The following FLNA variants were observed in gnomAD, a reference collection of about 807,000 sequenced individuals.
FLNA encodes filamin-A.
A neutral mutation model predicts 157.6 loss-of-function variants in FLNA; 7 were observed. The ratio of observed to expected loss-of-function variants is 0.04; its 90% CI spans 0.03 to 0.08. The LOEUF (loss-of-function observed/expected upper bound fraction) is 0.08, where lower values mean the gene tolerates loss of function less well. Among genes scored for constraint, FLNA ranks in the 10% least tolerant of loss-of-function variants. The probability of loss-of-function intolerance (pLI) is 1.00; values close to 1 mark genes in which losing one functional copy is unlikely to be tolerated. For synonymous variants in FLNA, 1,103 were observed against 1,060.8 expected, an observed-to-expected ratio of 1.04 and a Z score of -0.77; for missense variants, 1,750 against 2,398.4, an observed-to-expected ratio of 0.73 and a Z score of 5.65.
Position 154,350,200 on chromosome X carries a change from A to G in FLNA, c.7164T>C (p.Tyr2388=), listed in dbSNP as rs1557175472. The change falls in exon 45 of 48, where the codon TAT becomes TAC. Residue 2388 remains tyrosine, a synonymous_variant. Coordinates refer to ENST00000369850, the MANE Select transcript of FLNA (RefSeq NM_001110556.2). ...TCTCCCGAGGGATGAAGCGCACAGC[A>G]TACTTATCTGAGGAGCAGGGAGTCA... ...CYVTEIDQDK[Y]AVRFIPRENG... The G allele has an allele frequency of 8.3e-6, 10 of 1,211,536 alleles. No homozygotes were observed. Among genetic ancestry groups the G allele is most frequent in the Admixed American group, 2.2e-5 (1 of 46,118 alleles).
Position 154,362,756 on chromosome X carries a change from T to C in FLNA, c.2309A>G (p.Asn770Ser), listed in dbSNP as rs1557178374. 3.3e-6 allele frequency: 4 copies of C among 1,202,600 alleles called. No individual in the cohort carries two copies. Among genetic ancestry groups the C allele is most frequent in the Non-Finnish European group, 4.5e-6 (4 of 891,147 alleles). ...TCCGGGGCCGTATACTTTGACCTTG[T>C]TGGGGTGGCTGCCAGCTCCCACATT... is the stretch of plus-strand genomic sequence containing the variant. Reference protein sequence around the residue: ...RVNVGAGSHPNKVKVYGPGVA... With the variant: ...RVNVGAGSHPSKVKVYGPGVA... Residue 770 changes from asparagine (N) to serine (S), a missense_variant, in exon 16 of 48, where the codon AAC becomes AGC. Transcript: ENST00000369850.
intron 3 of FLNA, 42 bp from the exon 4 acceptor site, chrX:154,367,780 C>T: frequency 8.3e-7 from 1 of 1,210,682 alleles, no homozygotes; most frequent in Non-Finnish European, 1.1e-6. Context: ...GCCGCAGAAC[C>T]CCCTCAAGGG....
chrX:154,352,719 G>C (rs1557176027), intron 39 of FLNA, 44 bp from the exon 40 acceptor site: 4 of 1,211,715 alleles, frequency 3.3e-6, no homozygotes, highest in Non-Finnish European at 4.5e-6. Context: ...GTCACATACT[G>C]CCTGTGGGCC....
rs2148106131 is a variant in FLNA, at chrX:154,353,909, G to A, written c.5686+6C>T. 1.4e-5 allele frequency: 17 copies of A among 1,211,931 alleles called. No individual in the cohort carries two copies. Among genetic ancestry groups the A allele is most frequent in the African/African-American group, 1.7e-5 (1 of 57,964 alleles). ...AGAGCAGGTCAAGACCAGAGCTATT[G>A]CTCACCCTCTCCTGCATCCTTGGTG... On this transcript the variant is annotated splice_donor_region_variant and intron_variant, in intron 35 of 47. Transcript: ENST00000369850.
chrX:154,352,091 G>A (rs2067624302), intron 41 of FLNA, 70 bp from the exon 42 acceptor site: 1 of 1,206,004 alleles, frequency 8.3e-7, no homozygotes, highest in Admixed American at 2.2e-5. Context: ...GCATAGCCAA[G>A]GTAGACATGC....
At chrX:154,351,548 G>T in intron 43 of FLNA, 33 bp downstream of exon 43, 1 of 1,011,512 alleles carries the variant, frequency 9.9e-7, no homozygotes, top group Non-Finnish European at 1.4e-6. Flanking sequence ...GGGCCCAGGA[G>T]CCCCAGGTGG....
At chrX:154,371,400 C>T (rs1603364092) in intron 1 of FLNA, 39 bp from the exon 2 acceptor site, 1 of 441,158 alleles carries the variant, frequency 2.3e-6, no homozygotes, top group Non-Finnish European at 3.3e-6. Flanking sequence ...GGGAGGAGGG[C>T]GGGGCCAGAG....
chrX:154,365,667 A>AG (rs2067752783), intron 9 of FLNA, among the ~76,000 whole-genome samples, 181 bp from the exon 10 acceptor site: 1 of 111,722 alleles, frequency 9.0e-6, no homozygotes, highest in Non-Finnish European at 1.9e-5. Context: ...AGGACATGGC[A>AG]GGCCTCCTCC....
Position 154,354,027 on chromosome X carries a change from G to A in FLNA, c.5574C>T (p.Phe1858=), listed in dbSNP as rs781875077. ...GGCCACAGTTGACGTAATCCACATA[G>A]AACTGCAAGGGGCTTCCTGAGGCAG... ...NMHIPGSPLQ[F]YVDYVNCGHV... Residue 1858 remains phenylalanine (F), a synonymous_variant, in exon 35 of 48, where the codon TTC becomes TTT. Transcript: ENST00000369850. 3.1e-5 allele frequency: 37 copies of A among 1,210,758 alleles called. No homozygotes were observed. The highest frequency in any genetic ancestry group is 3.9e-5 in the Non-Finnish European group (35 of 895,295).
Position 154,359,913 on chromosome X carries a change from G to A in FLNA, c.3806-8C>T. 2 of 1,210,464 alleles carry A rather than the reference G, an allele frequency of 1.7e-6. No homozygotes were observed. Among genetic ancestry groups the A allele is most frequent in the Non-Finnish European group, 2.2e-6 (2 of 895,051 alleles). The stretch of plus-strand genomic sequence containing the variant: ...TGGCCTCACGGAAGACACCTGCAAA[G>A]GCACAGAGAGGAGGCTTGGGGCTCG... On this transcript the variant is annotated splice_region_variant and splice_polypyrimidine_tract_variant and intron_variant, in intron 22 of 47. Transcript: ENST00000369850.
intron 1 of FLNA, 29 bp downstream of exon 1, chrX:154,374,477 G>A (rs2067828766): frequency 1.8e-5 from 2 of 112,091 alleles, no homozygotes; most frequent in Non-Finnish European, 3.8e-5. Context: ...GCGACCCTAC[G>A]GCGCGAAGCC....
Position 154,353,536 on chromosome X carries a change from G to A in FLNA, c.5860+18C>T. 1 of 1,211,007 alleles carries A rather than the reference G, an allele frequency of 8.3e-7. No individual in the cohort carries two copies. The highest frequency in any genetic ancestry group is 3.0e-5 in the East Asian group (1 of 33,871). On this transcript the variant is annotated intron_variant, in intron 36 of 47. Coordinates refer to ENST00000369850, the MANE Select transcript of FLNA (RefSeq NM_001110556.2). Reference sequence around the variant, plus strand: ...CACCCTGCCACCCGTTTCTGTCACTGCTCCCAGTGCCACCCACCTGTGACC... The same window carrying A: ...CACCCTGCCACCCGTTTCTGTCACTACTCCCAGTGCCACCCACCTGTGACC...
Position 154,352,186 on chromosome X carries a change from A to G in FLNA, c.6764T>C (p.Val2255Ala). ...CGGGGTGTGAGCAGGCCTACCTGGC[A>G]CTCCAGCTTCAGCTCTCTCCAGGCC... The part of the protein sequence containing the change: ...GPGLERAEAG[V>A]PAEFSIWTRE... The change falls in exon 41 of 48, where the codon GTG becomes GCG. Residue 2255 changes from valine to alanine, a missense_variant. Around this residue, in one of 5 missense-constraint regions of FLNA, gnomAD observed 970 missense variants for 1,302.6 expected, o/e 0.74. Transcript: ENST00000369850. 1 of 1,209,824 alleles carries G rather than the reference A, an allele frequency of 8.3e-7. No homozygotes were observed. Among genetic ancestry groups the G allele is most frequent in the Non-Finnish European group, 1.1e-6 (1 of 895,083 alleles).
intron 30 of FLNA, among the ~76,000 whole-genome samples, chrX:154,356,903 C>T (rs1236787233): frequency 3.6e-5 from 4 of 112,338 alleles, no homozygotes; most frequent in African/African-American, 9.7e-5. Context: ...CCTCAGCCCA[C>T]GCAGGAGCCC....
rs782615607 is a variant in FLNA at position 154,365,240 on chromosome X, C to T, written c.1587G>A (p.Lys529=). 81 of 1,210,681 alleles carry T rather than the reference C, an allele frequency of 6.7e-5. No homozygotes were observed. In the Admixed American group the frequency reaches 1.7e-3, roughly 26 times the overall value. The change falls in exon 11 of 48, where the codon AAG becomes AAA. Residue 529 remains lysine (K), a synonymous_variant. Coordinates refer to ENST00000369850, the MANE Select transcript of FLNA (RefSeq NM_001110556.2). ...ACACGCCATCCCCCAGGTCCTTCTG[C>T]TTCACGCGCTCCTCTCCCTCTGCCA... The part of the protein sequence containing the change: ...VKGPKGEERV[K]QKDLGDGVYG...
At chrX:154,351,105 G>A in intron 43 of FLNA, 64 bp from the exon 44 acceptor site, 4 of 1,162,656 alleles carry the variant, frequency 3.4e-6, no homozygotes, top group Non-Finnish European at 4.7e-6. Context: ...GGACGGAAAG[G>A]CCCCAGGAGC....
chrX:154,371,170 C>G lies in FLNA; in HGVS notation c.76G>C (p.Ala26Pro), dbSNP rs886038966. 2.6e-5 allele frequency: 31 copies of G among 1,194,577 alleles called. No homozygotes were observed. Among genetic ancestry groups the G allele is most frequent in the Non-Finnish European group, 3.3e-5 (29 of 888,100 alleles). Residue 26 changes from alanine (A) to proline (P), a missense_variant, in exon 2 of 48, where the codon GCC becomes CCC. By Grantham distance (27) the Ala-to-Pro change is conservative. This residue lies in a region of FLNA where 58 missense variants were observed against 27.8 expected (regional missense o/e 2.09). Transcript: ENST00000369850. ...TCCTTCTCGGTGGCCGGCATCTCGGCGTCCCGCGTGTCGACGCCGCCGCCC... is the reference window on the plus strand; with the variant it reads ...TCCTTCTCGGTGGCCGGCATCTCGGGGTCCCGCGTGTCGACGCCGCCGCCC... The part of the protein sequence containing the change: ...APGGGVDTRD[A>P]EMPATEKDLA...
intron 21 of FLNA, among the ~76,000 whole-genome samples, chrX:154,360,815 G>C (rs930565137): frequency 2.7e-5 from 3 of 110,467 alleles, no homozygotes; most frequent in Non-Finnish European, 5.7e-5. Context: ...GGGAGGCCAA[G>C]GTGGGTGGAT....
At chrX:154,361,156 T>G in intron 21 of FLNA, 152 bp downstream of exon 21, 1 of 373,596 alleles carries the variant, frequency 2.7e-6, no homozygotes, top group Non-Finnish European at 4.3e-6. Context: ...TCCCCTTTAC[T>G]CTCACTTAAA....
Sources: allele counts gnomAD v4.1 joint callset (sites outside exome capture counted in the v4.1 genomes callset), GRCh38; gene constraint gnomAD v4.1.1; regional missense constraint gnomAD v4.1.1; transcripts MANE v1.5; gene names NCBI Gene and HGNC (gene_info 2026-07-23, HGNC 2026-07-21).